Variants in CPOX observed in about 807,000 individuals in gnomAD.
CPOX encodes the protein coproporphyrinogen oxidase.
Under a neutral mutation model 48.9 loss-of-function variants are expected in CPOX, and 24 were observed. The ratio of observed to expected loss-of-function variants is 0.49; its 90% CI spans 0.36 to 0.69. The LOEUF (loss-of-function observed/expected upper bound fraction) is 0.69. Ranked by LOEUF, CPOX falls within the 30% of genes least tolerant of loss-of-function variation. The pLI, the probability that CPOX is intolerant of heterozygous loss-of-function variation, is 0.00. For synonymous variants in CPOX, 249 were observed against 234.6 expected, an observed-to-expected ratio of 1.06 and a Z score of -0.56; for missense variants, 549 against 597.3, an observed-to-expected ratio of 0.92 and a Z score of 0.84.
the CPOX span, among the ~76,000 whole-genome samples, chr3:98,574,100 C>A: frequency 6.6e-6 from 1 of 152,180 alleles, no homozygotes; most frequent in Non-Finnish European, 1.5e-5. Flanking sequence ...ACTGAGCTCT[C>A]CTGAGTTCAC....
intron 5 of CPOX, among the ~76,000 whole-genome samples, chr3:98,583,605 G>A (rs75580450): frequency 0.021 from 3,197 of 152,190 alleles, 43 homozygotes; most frequent in Non-Finnish European, 0.036. Context: ...CTATGAAAAG[G>A]ATAACTGTAA....
At chr3:98,583,146 T>G (rs556655128) in intron 5 of CPOX, among the ~76,000 whole-genome samples, 28 of 152,320 alleles carry the variant, frequency 1.8e-4, no homozygotes, top group Middle Eastern at 3.4e-3. Context: ...TAATGAATTT[T>G]CTGTTGGATC....
intron 6 of CPOX, 22 bp downstream of exon 6, chr3:98,581,385 C>T (rs371173936): frequency 3.0e-5 from 46 of 1,529,434 alleles, no homozygotes; most frequent in East Asian, 1.3e-4. Flanking sequence ...GGGATAACTA[C>T]TAAAATGAGT....
At chr3:98,583,848 GAGA>G (rs1431978297) in intron 5 of CPOX, among the ~76,000 whole-genome samples, 1 of 152,164 alleles carries the variant, frequency 6.6e-6, no homozygotes, top group Non-Finnish European at 1.5e-5. Context: ...GATAGCCCCA[GAGA>G]AGAACTGGAG....
chr3:98,571,496 G>A, the CPOX span, among the ~76,000 whole-genome samples: 3 of 151,382 alleles, frequency 2.0e-5, no homozygotes, highest in African/African-American at 2.4e-5. Flanking sequence ...AGACCATCCC[G>A]GCTAAAACGG....
Position 98,580,581 on chromosome 3 carries a change from T to A in CPOX, c.*102A>T, listed in dbSNP as rs900919352. On this transcript the variant is annotated 3_prime_UTR_variant, in exon 7 of 7. Transcript: ENST00000647941. The stretch of plus-strand genomic sequence containing the variant: ...AGGTAGGGTGCAGAGTGGAGAAGAC[T>A]AAGGCACGGGTAACTGCCACACAGT... The A allele has an allele frequency of 6.3e-7, 1 of 1,586,498 alleles. No homozygotes were observed. The highest frequency in any genetic ancestry group is 1.3e-5 in the African/African-American group (1 of 74,514).
the CPOX span, among the ~76,000 whole-genome samples, chr3:98,572,229 T>C: frequency 8.5e-5 from 13 of 152,198 alleles, no homozygotes; most frequent in Non-Finnish European, 1.8e-4. Flanking sequence ...TGTACTTTGG[T>C]CCATTGATAT....
chr3:98,581,534 C>T (rs1707259527), intron 5 of CPOX, 23 bp from the exon 6 acceptor site: 13 of 1,539,262 alleles, frequency 8.4e-6, no homozygotes, highest in Non-Finnish European at 1.2e-5. Flanking sequence ...CATCAAATAA[C>T]ATTAAGGGCC....
downstream of CPOX, among the ~76,000 whole-genome samples, chr3:98,576,575 T>C (rs1216351773): frequency 6.6e-6 from 1 of 152,244 alleles, no homozygotes; most frequent in Non-Finnish European, 1.5e-5. Context: ...TCAAGCCATT[T>C]ACAAATGTCT....
rs548872806 is a variant in CPOX, at chr3:98,580,210, T to G, written c.*473A>C. On this transcript the variant is annotated 3_prime_UTR_variant, in exon 7 of 7. Coordinates refer to ENST00000647941, the MANE Select transcript of CPOX (RefSeq NM_000097.7). ...AGGATTACAGCAGAGACTTCAGTATTGACAAAGTAAAATTTTTACCTTCAA... is the reference window on the plus strand; with the variant it reads ...AGGATTACAGCAGAGACTTCAGTATGGACAAAGTAAAATTTTTACCTTCAA... 2 of 995,946 alleles carry G rather than the reference T, an allele frequency of 2.0e-6. No homozygotes were observed. Among genetic ancestry groups the G allele is most frequent in the East Asian group, 2.2e-4 (2 of 9,214 alleles). 61.7% of individuals were successfully genotyped at this position (995,946 alleles called of 1,614,324 possible).
chr3:98,583,242 T>C lies in CPOX; in HGVS notation c.1173-1731A>G, dbSNP rs557215873. Among the ~76,000 whole-genome samples, 44 of 152,322 alleles carry C rather than the reference T, an allele frequency of 2.9e-4. No individual in the cohort carries two copies. The South Asian group carries it at 3.1e-3, about 11-fold the overall frequency. On this transcript the variant is annotated intron_variant, in intron 5 of 6. Coordinates refer to ENST00000647941, the MANE Select transcript of CPOX (RefSeq NM_000097.7). ...AGTTGCACTTAGATCTGATTTTTCT[T>C]TTTTAATAAAAAATTTCCATCTCCT...
chr3:98,576,072 CAAAAAAAAAA>C (rs56988806), downstream of CPOX, among the ~76,000 whole-genome samples: 3,588 of 71,710 alleles, frequency 0.05, 186 homozygotes, highest in African/African-American at 0.17. Flanking sequence ...AACTCTGCCT[CAAAAAAAAAA>C]AAAAAAAAAA....
At chr3:98,586,882 T>C (rs1307090626) in intron 4 of CPOX, among the ~76,000 whole-genome samples, 2 of 152,080 alleles carry the variant, frequency 1.3e-5, no homozygotes, top group Non-Finnish European at 2.9e-5. Flanking sequence ...AGGCAGAGCT[T>C]GCAGTGAGCC....
intron 6 of CPOX, 93 bp from the exon 7 acceptor site, chr3:98,580,863 TAAAA>T: frequency 1.7e-6 from 2 of 1,177,912 alleles, no homozygotes; most frequent in South Asian, 1.5e-5. Flanking sequence ...ATCCTAAGAA[TAAAA>T]AAAAAAAAAG....
Position 98,585,639 on chromosome 3 carries a change from A to T in CPOX, c.974T>A (p.Ile325Lys). 6.2e-7 allele frequency: 1 copy of T among 1,613,852 alleles called. No homozygotes were observed. Among genetic ancestry groups the T allele is most frequent in the Non-Finnish European group, 8.5e-7 (1 of 1,179,730 alleles). The change falls in exon 5 of 7, where the codon ATA (isoleucine) becomes AAA (lysine). Residue 325 changes from isoleucine (I) to lysine (K), a missense_variant. Ile to Lys is a moderately radical substitution (Grantham distance 102). Coordinates refer to ENST00000647941, the MANE Select transcript of CPOX (RefSeq NM_000097.7). ...GCCCCGCCGTTCTCCACGATGGGCT[A>T]TAAAGAAGTAATCATCACACCTGGA... is the stretch of plus-strand genomic sequence containing the variant. ...FKKWCDDYFF[I>K]AHRGERRGIG...
intron 6 of CPOX, 85 bp downstream of exon 6, chr3:98,581,322 C>T: frequency 6.2e-6 from 6 of 966,860 alleles, no homozygotes; most frequent in Non-Finnish European, 1.0e-5. Flanking sequence ...CTAGGCACAA[C>T]ATCTGCAGTG....
downstream of CPOX, among the ~76,000 whole-genome samples, chr3:98,575,507 T>C (rs1056969513): frequency 6.6e-6 from 1 of 152,220 alleles, no homozygotes; most frequent in Non-Finnish European, 1.5e-5. Flanking sequence ...TAAAACCACT[T>C]GTAGGCCGGG....
Position 98,590,633 on chromosome 3 carries a change from A to G in CPOX, c.810T>C (p.Asp270=). Residue 270 remains aspartate, a splice_region_variant and synonymous_variant, in exon 3 of 7, where the codon GAT becomes GAC. Transcript: ENST00000647941. ...TTCCGTAGCTCCTGAGACCCTTACC[A>G]TCAGCTTCTTCTACTTCAAAGTATC... ...NYRYFEVEEA[D]GNKQWWFGGG... 1.2e-6 allele frequency: 2 copies of G among 1,602,316 alleles called. No homozygotes were observed. The highest frequency in any genetic ancestry group is 1.7e-6 in the Non-Finnish European group (2 of 1,169,236).
Position 98,593,181 on chromosome 3 carries a change from C to A in CPOX, c.324G>T (p.Thr108=). The change falls in exon 1 of 7, where the codon ACG becomes ACT. Residue 108 remains threonine, a synonymous_variant. Coordinates refer to ENST00000647941, the MANE Select transcript of CPOX (RefSeq NM_000097.7). ...CCGGCCTCCCCAGCGAAGTGGCCCGCGTCCCCGAGGTCTTAGGCAACATCT... is the reference window on the plus strand; with the variant it reads ...CCGGCCTCCCCAGCGAAGTGGCCCGAGTCCCCGAGGTCTTAGGCAACATCT... ...RAEMLPKTSG[T]RATSLGRPEE... 1 of 1,608,692 alleles carries A rather than the reference C, an allele frequency of 6.2e-7. No individual in the cohort carries two copies. Among genetic ancestry groups the A allele is most frequent in the East Asian group, 2.2e-5 (1 of 44,814 alleles).
Sources: allele counts gnomAD v4.1 joint callset (sites outside exome capture counted in the v4.1 genomes callset), GRCh38; gene constraint gnomAD v4.1.1; transcripts MANE v1.5; gene names NCBI Gene and HGNC (gene_info 2026-07-23, HGNC 2026-07-21).